The following DLG2 variants were observed in gnomAD, a reference collection of about 807,000 sequenced individuals.
DLG2 encodes the protein disks large homolog 2.
Under a neutral mutation model 132.5 loss-of-function variants are expected in DLG2, and 45 were observed. That is an observed-to-expected ratio of 0.34 (90% CI 0.27 to 0.44). DLG2 has a LOEUF of 0.44. Among genes scored for constraint, DLG2 ranks in the 20% least tolerant of loss-of-function variants. The pLI is 1.00. For missense variants in DLG2, 1,045 were observed against 1,196.9 expected (o/e 0.87, Z 1.87); for synonymous variants, 424 against 419.6 (o/e 1.01, Z -0.13).
intron 6 of DLG2, among the ~76,000 whole-genome samples, chr11:85,012,896 C>G (rs533625215): frequency 1.3e-5 from 2 of 152,046 alleles, no homozygotes; most frequent in Non-Finnish European, 2.9e-5. Context: ...ATTTTATCAC[C>G]CCTTAGAGCC....
chr11:84,425,271 A>G (rs1048738939), intron 7 of DLG2, among the ~76,000 whole-genome samples: 1 of 152,118 alleles, frequency 6.6e-6, no homozygotes, highest in Non-Finnish European at 1.5e-5. Flanking sequence ...GATAGAGAAG[A>G]TATGACTTTC....
intron 6 of DLG2, among the ~76,000 whole-genome samples, chr11:84,663,112 T>A (rs891643996): frequency 3.3e-5 from 5 of 152,066 alleles, no homozygotes; most frequent in Non-Finnish European, 7.4e-5. Context: ...TTTACCTTCT[T>A]CACCATTTTG....
chr11:85,051,667 A>C (rs189633244), intron 6 of DLG2, among the ~76,000 whole-genome samples: 5 of 152,296 alleles, frequency 3.3e-5, no homozygotes, highest in African/African-American at 1.2e-4. Flanking sequence ...AAAAACTATG[A>C]CTAAGAAATT....
At chr11:84,648,979 A>G (rs1194256103) in intron 6 of DLG2, among the ~76,000 whole-genome samples, 3 of 152,126 alleles carry the variant, frequency 2.0e-5, no homozygotes, top group Non-Finnish European at 4.4e-5. Flanking sequence ...AGTAATTATG[A>G]TTTATTATTT....
At chr11:84,044,166 TC>T (rs1201278558) in intron 11 of DLG2, among the ~76,000 whole-genome samples, 1 of 151,736 alleles carries the variant, frequency 6.6e-6, no homozygotes, top group Non-Finnish European at 1.5e-5. Flanking sequence ...TTATTAAACC[TC>T]CAAACTGTAC....
chr11:84,477,358 G>C (rs1201633269), intron 7 of DLG2, among the ~76,000 whole-genome samples: 1 of 152,006 alleles, frequency 6.6e-6, no homozygotes, highest in Non-Finnish European at 1.5e-5. Context: ...GGCCAGGCAT[G>C]GTGGTACATG....
chr11:85,592,954 GAAAGAAAAGAAAAAA>G (rs1261113660), intron 3 of DLG2, among the ~76,000 whole-genome samples: 7 of 91,896 alleles, frequency 7.6e-5, no homozygotes, highest in African/African-American at 1.3e-4. Flanking sequence ...TGAGAAAAAA[GAAAGAAAAGAAAAAA>G]AAAGAAAAGA....
At chr11:85,256,213 G>A (rs775731929) in intron 4 of DLG2, among the ~76,000 whole-genome samples, 12 of 152,116 alleles carry the variant, frequency 7.9e-5, no homozygotes, top group African/African-American at 1.9e-4. Flanking sequence ...GAACAGAAGA[G>A]CAGAAGACCA....
intron 2 of DLG2, among the ~76,000 whole-genome samples, chr11:85,622,742 T>C (rs1490424261): frequency 6.6e-6 from 1 of 152,080 alleles, no homozygotes. Flanking sequence ...AGGGTGCCTA[T>C]GAGATATATG....
At chr11:85,492,015 A>T (rs1212387986) in intron 3 of DLG2, among the ~76,000 whole-genome samples, 1 of 149,544 alleles carries the variant, frequency 6.7e-6, no homozygotes, top group Non-Finnish European at 1.5e-5. Context: ...AGAATATCAA[A>T]ACAGCAAGAT....
Position 83,610,104 on chromosome 11 carries a change from GTGTT to G in DLG2, c.1940+23103_1940+23106del, listed in dbSNP as rs1566041420. Among the ~76,000 whole-genome samples the G allele has an allele frequency of 3.3e-5, 5 of 152,174 alleles. No homozygotes were observed. The East Asian group carries it at 9.6e-4, about 29-fold the overall frequency. On this transcript the variant is annotated intron_variant, in intron 19 of 27. Coordinates refer to ENST00000376104, the MANE Select transcript of DLG2 (RefSeq NM_001142699.3). ...TAAGAATGTCCCCTTTTCATGTCCA[GTGTT>G]TATATTTACTACAAATACTAGGTCT...
intron 4 of DLG2, among the ~76,000 whole-genome samples, chr11:85,203,376 A>C (rs977247350): frequency 6.6e-6 from 1 of 151,962 alleles, no homozygotes; most frequent in Non-Finnish European, 1.5e-5. Flanking sequence ...GAGACATTAC[A>C]ACTGATACCA....
intron 4 of DLG2, among the ~76,000 whole-genome samples, chr11:85,252,873 T>G (rs933199981): frequency 2.6e-5 from 4 of 152,188 alleles, no homozygotes; most frequent in African/African-American, 9.6e-5. Context: ...CTTGGATATC[T>G]ACTGAATCTA....
intron 16 of DLG2, among the ~76,000 whole-genome samples, chr11:83,840,566 T>G (rs2057318437): frequency 6.6e-6 from 1 of 152,194 alleles, no homozygotes; most frequent in South Asian, 2.1e-4. Context: ...CTGCTGCTGC[T>G]CAACTCTGGA....
intron 6 of DLG2, among the ~76,000 whole-genome samples, chr11:84,952,807 T>C (rs1481759282): frequency 6.6e-6 from 1 of 152,264 alleles, no homozygotes; most frequent in Non-Finnish European, 1.5e-5. Flanking sequence ...TTGTAAAATC[T>C]GTTCCTACAA....
Position 84,217,993 on chromosome 11 carries a change from T to C in DLG2, c.573+33245A>G, listed in dbSNP as rs1053461664. Among the ~76,000 whole-genome samples the C allele has an allele frequency of 2.2e-4, 34 of 151,748 alleles. 1 individual carries two copies. Among genetic ancestry groups the C allele is most frequent in the African/African-American group, 8.0e-4 (33 of 41,310 alleles). ...GACCAGCCTAGCCAACATGGTGAAA[T>C]CCCATTTCTAATAAAAATACAAAAA... On this transcript the variant is annotated intron_variant, in intron 8 of 27. Transcript: ENST00000376104.
chr11:84,280,512 G>A (rs2154369977), intron 7 of DLG2, among the ~76,000 whole-genome samples: 1 of 152,004 alleles, frequency 6.6e-6, no homozygotes, highest in African/African-American at 2.4e-5. Context: ...CAGGTGATCT[G>A]CCTGCCTCTG....
At chr11:85,200,726 A>T (rs2081396917) in intron 4 of DLG2, among the ~76,000 whole-genome samples, 1 of 152,074 alleles carries the variant, frequency 6.6e-6, no homozygotes, top group South Asian at 2.1e-4. Context: ...GGAGATACAC[A>T]TGCTCATTAG....
intron 7 of DLG2, among the ~76,000 whole-genome samples, chr11:84,372,348 C>A (rs576658376): frequency 5.9e-5 from 9 of 152,230 alleles, no homozygotes; most frequent in African/African-American, 2.2e-4. Flanking sequence ...CAAAGAAAGA[C>A]TTAAATTGGA....
Sources: gnomAD v4.1 joint callset for allele counts (sites outside exome capture counted in the v4.1 genomes callset) on GRCh38, gnomAD v4.1.1 for gene constraint, MANE v1.5 for transcripts, NCBI Gene and HGNC (gene_info 2026-07-23, HGNC 2026-07-21) for gene names.